The following ALDH2 variants were observed in gnomAD, a reference collection of about 807,000 sequenced individuals.
ALDH2 encodes aldehyde dehydrogenase 2 family member.
A neutral mutation model predicts 59.6 loss-of-function variants in ALDH2; 44 were observed. The ratio of observed to expected loss-of-function variants is 0.74; its 90% CI spans 0.58 to 0.95. The LOEUF (loss-of-function observed/expected upper bound fraction) is 0.95, where lower values mean the gene tolerates loss of function less well. Ranked by LOEUF, ALDH2 falls within the 40% of genes least tolerant of loss-of-function variation. The probability of loss-of-function intolerance (pLI) is 0.00; values close to 1 mark genes in which losing one functional copy is unlikely to be tolerated. For missense variants in ALDH2, 570 were observed against 696.3 expected (o/e 0.82, Z 2.04); for synonymous variants, 291 against 284.0 (o/e 1.02, Z -0.25).
chr12:111,781,785 T>A, intron 1 of ALDH2, 133 bp from the exon 2 acceptor site: 1 of 661,168 alleles, frequency 1.5e-6, no homozygotes, highest in East Asian at 2.9e-5. Context: ...GGCCTGTGCT[T>A]TTCATTTGTA....
chr12:111,779,829 C>T (rs1373369225), intron 1 of ALDH2, among the ~76,000 whole-genome samples: 1 of 152,234 alleles, frequency 6.6e-6, no homozygotes, highest in Non-Finnish European at 1.5e-5. Context: ...CTTCTCTGCA[C>T]TCCCCAAGAC....
chr12:111,782,638 A>T (rs1282998193), intron 2 of ALDH2, among the ~76,000 whole-genome samples: 3 of 152,206 alleles, frequency 2.0e-5, no homozygotes, highest in Admixed American at 6.5e-5. Flanking sequence ...TAATCCCAGC[A>T]CTTTGGGAGG....
At chr12:111,767,740 C>G (rs12099590) in intron 1 of ALDH2, among the ~76,000 whole-genome samples, 7,195 of 152,224 alleles carry the variant, frequency 0.047, 557 homozygotes, top group African/African-American at 0.16. Context: ...TTCCTGTGGT[C>G]CATTTATTGA....
intron 9 of ALDH2, among the ~76,000 whole-genome samples, 189 bp from the exon 10 acceptor site, chr12:111,797,889 G>A (rs1401728610): frequency 6.6e-6 from 1 of 152,102 alleles, no homozygotes; most frequent in Non-Finnish European, 1.5e-5. Context: ...CTTTTCTCCG[G>A]TAGGCTGAGG....
Position 111,781,963 on chromosome 12 carries a change from T to G in ALDH2, c.160T>G (p.Phe54Val). 6.2e-7 allele frequency: 1 copy of G among 1,613,976 alleles called. No individual in the cohort carries two copies. The highest frequency in any genetic ancestry group is 8.5e-7 in the Non-Finnish European group (1 of 1,179,888). The change falls in exon 2 of 13, where the codon TTC (phenylalanine) becomes GTC (valine). Residue 54 changes from phenylalanine (F) to valine (V), a missense_variant. Phe to Val is a conservative substitution (Grantham distance 50, BLOSUM62 -1). Coordinates refer to ENST00000261733, the MANE Select transcript of ALDH2 (RefSeq NM_000690.4). ...GCACGATGCCGTCAGCAGGAAAACA[T>G]TCCCCACCGTCAATCCGTCCACTGG... ...EWHDAVSRKT[F>V]PTVNPSTGEV...
At chr12:111,808,095 G>T (rs1005969282) in intron 12 of ALDH2, among the ~76,000 whole-genome samples, 1 of 151,944 alleles carries the variant, frequency 6.6e-6, no homozygotes, top group African/African-American at 2.4e-5. Context: ...GGCTGATCTC[G>T]AACTCCTGGC....
Position 111,800,022 on chromosome 12 carries a change from G to A in ALDH2, c.1365G>A (p.Lys455=), listed in dbSNP as rs761778133. ...AAAVFTKDLD[K]ANYLSQALQA... is the part of the protein sequence containing the mutation. ...CTGTCTTCACAAAGGATTTGGACAA[G>A]GCCAATTACCTGTCCCAGGCCCTCC... is the stretch of plus-strand genomic sequence containing the variant. Residue 455 remains lysine, a synonymous_variant, in exon 11 of 13, where the codon AAG becomes AAA. Transcript: ENST00000261733. 2 of 1,613,706 alleles carry A rather than the reference G, an allele frequency of 1.2e-6. No homozygotes were observed. The highest frequency in any genetic ancestry group is 1.3e-5 in the African/African-American group (1 of 75,042).
In ALDH2 at chr12:111,771,257, C is replaced by T. The variant is rs755877272; in HGVS notation, c.114+4161C>T. Among the ~76,000 whole-genome samples, 4 of 152,122 alleles carry T rather than the reference C, an allele frequency of 2.6e-5. No individual in the cohort carries two copies. In the South Asian group the frequency reaches 6.2e-4, roughly 24 times the overall value. ...CAAAAGCTTAAAAAAATTAGCTGGACATGGTGGTGAGCACCTGTAGTCACA... is the reference window on the plus strand; with the variant it reads ...CAAAAGCTTAAAAAAATTAGCTGGATATGGTGGTGAGCACCTGTAGTCACA... On this transcript the variant is annotated intron_variant, in intron 1 of 12. Coordinates refer to ENST00000261733, the MANE Select transcript of ALDH2 (RefSeq NM_000690.4).
In ALDH2 at chr12:111,789,854, G is replaced by A. The variant is rs779006912; in HGVS notation, c.472G>A (p.Gly158Arg). ...TGCCGGCTGGGCTGATAAGTACCAC[G>A]GGAAAACCATCCCCATTGACGGAGA... is the stretch of plus-strand genomic sequence containing the variant. Reference protein sequence around the residue: ...YYAGWADKYHGKTIPIDGDFF... With the variant: ...YYAGWADKYHRKTIPIDGDFF... Residue 158 changes from glycine (G) to arginine (R), a missense_variant, in exon 5 of 13, where the codon GGG becomes AGG. Coordinates refer to ENST00000261733, the MANE Select transcript of ALDH2 (RefSeq NM_000690.4). The A allele has an allele frequency of 8.1e-6, 13 of 1,614,032 alleles. No homozygotes were observed. The highest frequency in any genetic ancestry group is 1.7e-5 in the Admixed American group (1 of 59,986).
chr12:111,803,949 G>A lies in ALDH2; in HGVS notation c.1497G>A (p.Leu499=), dbSNP rs770346038. 4.3e-6 allele frequency: 7 copies of A among 1,611,328 alleles called. No individual in the cohort carries two copies. The highest frequency in any genetic ancestry group is 5.1e-6 in the Non-Finnish European group (6 of 1,178,702). The change falls in exon 12 of 13, where the codon CTG becomes CTA. Residue 499 remains leucine, a synonymous_variant. Transcript: ENST00000261733. ...GSGRELGEYG[L]QAYTEVKTVT... is the part of the protein sequence containing the mutation. ...GCCGGGAGTTGGGCGAGTACGGGCTGCAGGCATACACTGAAGTGAAAACTG... is the reference window on the plus strand; with the variant it reads ...GCCGGGAGTTGGGCGAGTACGGGCTACAGGCATACACTGAAGTGAAAACTG...
intron 1 of ALDH2, among the ~76,000 whole-genome samples, chr12:111,770,056 A>G (rs1191088405): frequency 6.6e-6 from 1 of 151,888 alleles, no homozygotes; most frequent in Non-Finnish European, 1.5e-5. Flanking sequence ...AGGCAGGAGC[A>G]TCACTTGAAC....
rs1289574555 is a variant in ALDH2 at position 111,781,949 on chromosome 12, T to C, written c.146T>C (p.Val49Ala). ...IFINNEWHDA[V>A]SRKTFPTVNP... ...ATAAACAATGAATGGCACGATGCCG[T>C]CAGCAGGAAAACATTCCCCACCGTC... is the stretch of plus-strand genomic sequence containing the variant. Residue 49 changes from valine (V) to alanine (A), a missense_variant, in exon 2 of 13, where the codon GTC becomes GCC. Transcript: ENST00000261733. The C allele has an allele frequency of 6.2e-7, 1 of 1,614,002 alleles. No homozygotes were observed. Among genetic ancestry groups the C allele is most frequent in the East Asian group, 2.2e-5 (1 of 44,880 alleles).
Position 111,812,217 on chromosome 12 carries a change from C to G in ALDH2, c.*2642C>G, listed in dbSNP as rs773356411. The G allele has an allele frequency of 6.6e-6, 1 of 152,170 alleles. No individual in the cohort carries two copies. The highest frequency in any genetic ancestry group is 1.5e-5 in the Non-Finnish European group (1 of 68,096). 9.4% of individuals were successfully genotyped at this position (152,170 alleles called of 1,614,324 possible). ...ATGGAACATGAAGGCAGACTAGGAG[C>G]GTGACCACTGAAGCACAGCACCACA... On this transcript the variant is annotated 3_prime_UTR_variant, in exon 13 of 13. Transcript: ENST00000261733.
intron 1 of ALDH2, among the ~76,000 whole-genome samples, chr12:111,771,827 G>A (rs1054328766): frequency 1.3e-4 from 20 of 152,114 alleles, no homozygotes; most frequent in African/African-American, 4.6e-4. Context: ...GGCCAGGCAC[G>A]GTGGCTCACG....
intron 1 of ALDH2, among the ~76,000 whole-genome samples, chr12:111,780,645 C>T (rs112019550): frequency 7.2e-5 from 11 of 152,262 alleles, no homozygotes; most frequent in African/African-American, 2.6e-4. Context: ...TTCTCTGGAT[C>T]CTCTTCTTCC....
Position 111,788,629 on chromosome 12 carries a change from G to A in ALDH2, c.441-1194G>A, listed in dbSNP as rs10849970. On this transcript the variant is annotated intron_variant, in intron 4 of 12. Transcript: ENST00000261733. The stretch of plus-strand genomic sequence containing the variant: ...TGTGTTTGTATAGATCTGGGGGAGG[G>A]AAGCTGCAATGCCTGGGCTTGCATA... 0.052 allele frequency among the ~76,000 whole-genome samples: 7,874 copies of A among 152,242 alleles called. 1,224 individuals are homozygous for A. The East Asian group carries it at 0.62, about 12-fold the overall frequency.
intron 4 of ALDH2, among the ~76,000 whole-genome samples, chr12:111,788,902 G>A (rs1378928257): frequency 3.9e-5 from 6 of 152,140 alleles, no homozygotes. Context: ...CTACTCAGGA[G>A]GCTAAGGTGG....
intron 10 of ALDH2, among the ~76,000 whole-genome samples, chr12:111,798,474 C>T (rs1421854885): frequency 6.6e-6 from 1 of 152,172 alleles, no homozygotes; most frequent in Non-Finnish European, 1.5e-5. Context: ...GCATGGCCTG[C>T]AGGCCTTGGT....
At chr12:111,787,971 G>A (rs530273658) in intron 4 of ALDH2, among the ~76,000 whole-genome samples, 27 of 152,140 alleles carry the variant, frequency 1.8e-4, no homozygotes, top group African/African-American at 6.3e-4. Flanking sequence ...CCTGGGAGGT[G>A]GAGCTTGCAG....
Sources: gnomAD v4.1 joint callset for allele counts (sites outside exome capture counted in the v4.1 genomes callset) on GRCh38, gnomAD v4.1.1 for gene constraint, MANE v1.5 for transcripts, NCBI Gene and HGNC (gene_info 2026-07-23, HGNC 2026-07-21) for gene names.